EPHB1: variants seen among roughly 807,000 people sequenced by gnomAD.
The protein encoded by EPHB1 is EPH receptor B1, also known as ephrin type-B receptor 1.
In EPHB1, 30 loss-of-function variants were observed where a neutral mutation model predicts 94.4. That is an observed-to-expected ratio of 0.32 (90% CI 0.24 to 0.43). EPHB1 has a LOEUF of 0.43. Among genes scored for constraint, EPHB1 ranks in the 20% least tolerant of loss-of-function variants. The probability of loss-of-function intolerance (pLI) is 1.00; values close to 1 mark genes in which losing one functional copy is unlikely to be tolerated. For missense variants in EPHB1, 1,055 were observed against 1,308.3 expected, an observed-to-expected ratio of 0.81 and a Z score of 2.99; for synonymous variants, 522 against 489.1, an observed-to-expected ratio of 1.07 and a Z score of -0.89.
chr3:134,829,060 G>A (rs186075056), intron 1 of EPHB1, among the ~76,000 whole-genome samples: 1 of 152,204 alleles, frequency 6.6e-6, no homozygotes, highest in Non-Finnish European at 1.5e-5. Context: ...AAGTACTGCT[G>A]TATAAATGCA....
At chr3:134,913,065 G>T (rs1211515490) in intron 1 of EPHB1, among the ~76,000 whole-genome samples, 2 of 152,208 alleles carry the variant, frequency 1.3e-5, no homozygotes, top group Non-Finnish European at 1.5e-5. Flanking sequence ...CCTTGTTCCT[G>T]TGTTTGTCTC....
At chr3:135,228,580 A>T (rs1451076873) in intron 12 of EPHB1, among the ~76,000 whole-genome samples, 1 of 152,214 alleles carries the variant, frequency 6.6e-6, no homozygotes, top group Non-Finnish European at 1.5e-5. Context: ...TATTTAAAAA[A>T]CAAAGCATCA....
At chr3:134,905,047 G>T (rs987176781) in intron 1 of EPHB1, among the ~76,000 whole-genome samples, 1 of 152,210 alleles carries the variant, frequency 6.6e-6, no homozygotes, top group Non-Finnish European at 1.5e-5. Context: ...TGATTCCACA[G>T]CACTGGTCAC....
chr3:134,951,352 T>C lies in EPHB1; in HGVS notation c.124-19T>C, dbSNP rs774080528. 5.9e-6 allele frequency: 9 copies of C among 1,523,564 alleles called. No homozygotes were observed. The Admixed American group carries it at 1.3e-4, about 22-fold the overall frequency. 94.4% of individuals were successfully genotyped at this position (1,523,564 alleles called of 1,614,324 possible). ...TTTTGTGTTTTTGCATGTGTGTGCC[T>C]GTGGCCTGCTATGTACAGTGGGAAG... On this transcript the variant is annotated intron_variant, in intron 2 of 15. Coordinates refer to ENST00000398015, the MANE Select transcript of EPHB1 (RefSeq NM_004441.5). This position sits in a 1 kb window ranked among gnomAD's most constrained non-coding sequence, Gnocchi z 4.5.
At chr3:134,856,199 C>A (rs998866294) in intron 1 of EPHB1, among the ~76,000 whole-genome samples, 1 of 152,166 alleles carries the variant, frequency 6.6e-6, no homozygotes, top group Non-Finnish European at 1.5e-5. Context: ...GGCTTTGAGA[C>A]GTCTAGACAG....
At chr3:134,998,358 T>G (rs2107741347) in intron 3 of EPHB1, among the ~76,000 whole-genome samples, 1 of 152,328 alleles carries the variant, frequency 6.6e-6, no homozygotes, top group Non-Finnish European at 1.5e-5. Flanking sequence ...AAGTGAAAAC[T>G]TTCTTGACTC....
chr3:134,999,737 G>C (rs1935115578), intron 3 of EPHB1, among the ~76,000 whole-genome samples: 1 of 152,170 alleles, frequency 6.6e-6, no homozygotes. Context: ...GAAGCTTGTA[G>C]ACATGTTATG....
intron 12 of EPHB1, among the ~76,000 whole-genome samples, chr3:135,214,912 G>A (rs1225582569): frequency 6.6e-6 from 1 of 152,196 alleles, no homozygotes; most frequent in East Asian, 1.9e-4. Flanking sequence ...CATGGTACGA[G>A]GAATGCAGGG....
chr3:134,916,659 G>A (rs1365257359), intron 1 of EPHB1, among the ~76,000 whole-genome samples: 1 of 152,208 alleles, frequency 6.6e-6, no homozygotes, highest in East Asian at 1.9e-4. Context: ...TCTGAGTGTG[G>A]GGCCCGCTGA....
At chr3:135,012,644 C>T (rs1576316085) in intron 3 of EPHB1, among the ~76,000 whole-genome samples, 1 of 152,198 alleles carries the variant, frequency 6.6e-6, no homozygotes, top group East Asian at 1.9e-4. Flanking sequence ...ATATTTCTTT[C>T]TTGTTTCCCC....
chr3:134,943,728 AG>A (rs1199080418), intron 2 of EPHB1, among the ~76,000 whole-genome samples: 3 of 152,168 alleles, frequency 2.0e-5, no homozygotes, highest in Non-Finnish European at 4.4e-5. Flanking sequence ...GCCTCAACTT[AG>A]GCATCATTCA....
intron 3 of EPHB1, among the ~76,000 whole-genome samples, chr3:134,959,966 C>CGT: frequency 9.3e-6 from 1 of 107,424 alleles, no homozygotes; most frequent in South Asian, 3.1e-4. Flanking sequence ...ACATCTGCAC[C>CGT]TTTTTTTTTT....
intron 12 of EPHB1, among the ~76,000 whole-genome samples, chr3:135,227,819 G>C (rs530681595): frequency 1.3e-5 from 2 of 151,974 alleles, no homozygotes; most frequent in African/African-American, 4.8e-5. Context: ...ACATTTGCCC[G>C]GATTCTTTAC....
intron 1 of EPHB1, among the ~76,000 whole-genome samples, chr3:134,880,015 C>G (rs1299630185): frequency 6.6e-6 from 1 of 152,146 alleles, no homozygotes; most frequent in Non-Finnish European, 1.5e-5. Flanking sequence ...ATTATCAATG[C>G]CAAATGCTGG....
chr3:135,022,494 C>T (rs908736507), intron 3 of EPHB1, among the ~76,000 whole-genome samples: 4 of 152,146 alleles, frequency 2.6e-5, no homozygotes, highest in Non-Finnish European at 5.9e-5. Context: ...TAACACTACT[C>T]GGTCTTGGAA....
At chr3:134,911,191 C>T (rs1055755619) in intron 1 of EPHB1, among the ~76,000 whole-genome samples, 1 of 152,178 alleles carries the variant, frequency 6.6e-6, no homozygotes, top group South Asian at 2.1e-4. Context: ...GTGGACAGGG[C>T]ATCTCTGAGT....
chr3:135,229,909 G>A (rs545186485), intron 12 of EPHB1, among the ~76,000 whole-genome samples: 1 of 152,312 alleles, frequency 6.6e-6, no homozygotes, highest in South Asian at 2.1e-4. Context: ...GGGTTGTTGG[G>A]GAGACACATG....
chr3:135,049,931 A>G (rs1937120241), intron 3 of EPHB1, among the ~76,000 whole-genome samples: 1 of 152,134 alleles, frequency 6.6e-6, no homozygotes, highest in Non-Finnish European at 1.5e-5. Flanking sequence ...CTGGTCCCTG[A>G]TGTTGCTCTC....
intron 4 of EPHB1, among the ~76,000 whole-genome samples, chr3:135,123,216 G>A (rs887491869): frequency 2.0e-5 from 3 of 152,168 alleles, no homozygotes; most frequent in Admixed American, 1.3e-4. Flanking sequence ...TATACTCTGA[G>A]CTAGAGTTTT....
Sources: allele counts gnomAD v4.1 joint callset (sites outside exome capture counted in the v4.1 genomes callset), GRCh38; gene constraint gnomAD v4.1.1; non-coding constraint Gnocchi (gnomAD v3.1); transcripts MANE v1.5; gene names NCBI Gene and HGNC (gene_info 2026-07-23, HGNC 2026-07-21).